Variants in GPR137B observed in about 807,000 individuals in gnomAD.
GPR137B encodes integral membrane protein GPR137B.
A neutral mutation model predicts 42.5 loss-of-function variants in GPR137B; 42 were observed. The ratio of observed to expected loss-of-function variants is 0.99; its 90% CI spans 0.77 to 1.28. The LOEUF (loss-of-function observed/expected upper bound fraction) is 1.28. Ranked by LOEUF, GPR137B falls within the 50% of genes most tolerant of loss-of-function variation. The pLI, the probability that GPR137B is intolerant of heterozygous loss-of-function variation, is 0.00. For missense variants in GPR137B, 487 were observed against 493.9 expected (o/e 0.99, Z 0.13); for synonymous variants, 218 against 209.7 (o/e 1.04, Z -0.34).
At position 236,178,629 on chromosome 1, in the gene GPR137B, A is replaced by G; in HGVS notation, c.680A>G (p.Glu227Gly). ...SKMSLANIYL[E>G]SKGSSVCQVT... ...ATGTCCTTAGCCAACATTTACTTGG[A>G]GTCCAAGGTAGGTGGAAATGTGGTC... The change falls in exon 3 of 7, where the codon GAG (glutamate) becomes GGG (glycine). Residue 227 changes from glutamate to glycine, a missense_variant. Physicochemically the swap from Glu to Gly is moderately conservative, Grantham distance 98. Transcript: ENST00000366592. 1 of 1,590,276 alleles carries G rather than the reference A, an allele frequency of 6.3e-7. No homozygotes were observed. Among genetic ancestry groups the G allele is most frequent in the African/African-American group, 1.3e-5 (1 of 74,480 alleles).
intron 1 of GPR137B, among the ~76,000 whole-genome samples, chr1:236,160,880 ACCT>A (rs1662172082): frequency 7.0e-6 from 1 of 142,472 alleles, no homozygotes; most frequent in South Asian, 2.3e-4. Flanking sequence ...CTGCTCTTTG[ACCT>A]CCTCCCTACT....
chr1:236,148,363 C>T (rs188369220), intron 1 of GPR137B, among the ~76,000 whole-genome samples: 60 of 152,336 alleles, frequency 3.9e-4, no homozygotes, highest in Non-Finnish European at 7.5e-4. Context: ...GTATCCCAGC[C>T]CTTCTTCCTC....
intron 1 of GPR137B, among the ~76,000 whole-genome samples, chr1:236,164,995 C>T (rs1349671040): frequency 6.6e-6 from 1 of 152,076 alleles, no homozygotes; most frequent in Non-Finnish European, 1.5e-5. Flanking sequence ...ACCTTTGCCT[C>T]CCGGGTTCAA....
chr1:236,207,090 A>C, intron 6 of GPR137B: 2 of 950,978 alleles, frequency 2.1e-6, no homozygotes, highest in Non-Finnish European at 2.5e-6. Context: ...GAAAGTCTTT[A>C]GAAAACTTTT....
intron 1 of GPR137B, among the ~76,000 whole-genome samples, chr1:236,157,569 G>T (rs1662069866): frequency 6.6e-6 from 1 of 152,116 alleles, no homozygotes; most frequent in Non-Finnish European, 1.5e-5. Context: ...GTCAGAGAGG[G>T]CTACCGGTTG....
intron 5 of GPR137B, among the ~76,000 whole-genome samples, chr1:236,184,318 C>T (rs532833127): frequency 2.6e-5 from 4 of 152,138 alleles, no homozygotes; most frequent in Admixed American, 2.6e-4. Context: ...TGCCGGATGG[C>T]GACTAGGGAA....
chr1:236,153,410 A>G (rs768459061), intron 1 of GPR137B, among the ~76,000 whole-genome samples: 13 of 152,194 alleles, frequency 8.5e-5, no homozygotes, highest in Non-Finnish European at 1.6e-4. Context: ...TTCTCCTAGC[A>G]TAGTGTTTTG....
chr1:236,179,677 A>G (rs1662808747), intron 3 of GPR137B, among the ~76,000 whole-genome samples: 1 of 152,202 alleles, frequency 6.6e-6, no homozygotes, highest in Non-Finnish European at 1.5e-5. Flanking sequence ...GGCATCTCCA[A>G]ACCAAGTCCC....
intron 2 of GPR137B, among the ~76,000 whole-genome samples, chr1:236,177,570 T>G (rs1404428278): frequency 2.0e-5 from 3 of 152,068 alleles, no homozygotes; most frequent in Non-Finnish European, 4.4e-5. Flanking sequence ...TTTTGTTTTT[T>G]TTTGAGACTT....
chr1:236,202,077 CAA>C (rs1476185683), intron 5 of GPR137B, among the ~76,000 whole-genome samples: 2 of 152,016 alleles, frequency 1.3e-5, no homozygotes, highest in African/African-American at 2.4e-5. Flanking sequence ...GGAATGTCTG[CAA>C]AGAGTCCTGT....
At chr1:236,205,315 T>C (rs1338010222) in intron 6 of GPR137B, 65 bp downstream of exon 6, 4 of 1,429,092 alleles carry the variant, frequency 2.8e-6, no homozygotes, top group East Asian at 2.3e-5. Flanking sequence ...GTTAAATAGA[T>C]TCAAGCTAAA....
rs201922622 is a variant in GPR137B, at chr1:236,142,772, C to T, written c.150C>T (p.Thr50=). 1.2e-4 allele frequency: 199 copies of T among 1,613,614 alleles called. No individual in the cohort carries two copies. Among genetic ancestry groups the T allele is most frequent in the Middle Eastern group, 1.6e-4 (1 of 6,084 alleles). Reference sequence around the variant, plus strand: ...AGCTTGGCCTCACCGTCGTCTACACCGTGTTCTACGCGCTGCTCTTCGTGT... The same window carrying T: ...AGCTTGGCCTCACCGTCGTCTACACTGTGTTCTACGCGCTGCTCTTCGTGT... The part of the protein sequence containing the change: ...YVKLGLTVVY[T]VFYALLFVFI... Residue 50 remains threonine (T), a synonymous_variant, in exon 1 of 7, where the codon ACC becomes ACT. Transcript: ENST00000366592.
chr1:236,152,581 A>G (rs1330066186), intron 1 of GPR137B, among the ~76,000 whole-genome samples: 2 of 151,736 alleles, frequency 1.3e-5, no homozygotes, highest in African/African-American at 4.8e-5. Context: ...ACACGGTGAA[A>G]CCCCATCTCT....
intron 3 of GPR137B, among the ~76,000 whole-genome samples, chr1:236,178,947 A>G (rs113967286): frequency 0.015 from 2,185 of 150,070 alleles, 66 homozygotes; most frequent in African/African-American, 0.051. Context: ...ACAGGCACCC[A>G]CCACTACGCC....
At chr1:236,163,489 G>A (rs1179861726) in intron 1 of GPR137B, among the ~76,000 whole-genome samples, 1 of 152,182 alleles carries the variant, frequency 6.6e-6, no homozygotes, top group Non-Finnish European at 1.5e-5. Context: ...TGGTTTGGCT[G>A]TGTCCCCCTC....
chr1:236,205,235 A>C lies in GPR137B; in HGVS notation c.1076A>C (p.Gln359Pro), dbSNP rs1182623934. The C allele has an allele frequency of 9.3e-6, 15 of 1,613,340 alleles. No homozygotes were observed. Among genetic ancestry groups the C allele is most frequent in the Non-Finnish European group, 1.2e-5 (14 of 1,179,370 alleles). The change falls in exon 6 of 7, where the codon CAG becomes CCG. Residue 359 changes from glutamine to proline, a missense_variant. By Grantham distance (76) the Gln-to-Pro change is moderately conservative (BLOSUM62 -1). Transcript: ENST00000366592. ...DDDLAWNIAP[Q>P]GLQGGFAPDY... Reference sequence around the variant, plus strand: ...GACCTTGCCTGGAACATTGCCCCTCAGGGACTTCAGGGAGGGTAAGACCCT... The same window carrying C: ...GACCTTGCCTGGAACATTGCCCCTCCGGGACTTCAGGGAGGGTAAGACCCT...
At chr1:236,167,967 A>G (rs765262684) in intron 1 of GPR137B, among the ~76,000 whole-genome samples, 8 of 152,238 alleles carry the variant, frequency 5.3e-5, no homozygotes, top group Non-Finnish European at 1.2e-4. Flanking sequence ...GCCAGTCTGC[A>G]ATATTTCTGT....
chr1:236,185,465 C>T (rs371973635), intron 5 of GPR137B, among the ~76,000 whole-genome samples: 1 of 152,184 alleles, frequency 6.6e-6, no homozygotes, highest in Admixed American at 6.5e-5. Flanking sequence ...GAGACCCAGA[C>T]CAGAATCTCT....
Position 236,155,480 on chromosome 1 carries a change from G to A in GPR137B, c.414+12444G>A, listed in dbSNP as rs940954987. 6.6e-6 allele frequency among the ~76,000 whole-genome samples: 1 copy of A among 152,200 alleles called. No homozygotes were observed. The highest frequency in any genetic ancestry group is 2.1e-4 in the South Asian group (1 of 4,822). ...AAAAGCAGGGAGACTGAAGGACGGC[G>A]TTTGGTGTGGCTTTAGGTTGACTTG... On this transcript the variant is annotated intron_variant, in intron 1 of 6. Transcript: ENST00000366592. The surrounding 1 kb of genome is among the most constrained non-coding windows in gnomAD (Gnocchi z 4.6).
Sources: allele counts gnomAD v4.1 joint callset (sites outside exome capture counted in the v4.1 genomes callset), GRCh38; gene constraint gnomAD v4.1.1; non-coding constraint Gnocchi (gnomAD v3.1); transcripts MANE v1.5; gene names NCBI Gene and HGNC (gene_info 2026-07-23, HGNC 2026-07-21).